The following PARD3B variants were observed in gnomAD, a reference collection of about 807,000 sequenced individuals.
The protein encoded by PARD3B is partitioning defective 3 homolog B.
A neutral mutation model predicts 130.2 loss-of-function variants in PARD3B; 103 were observed. That is an observed-to-expected ratio of 0.79 (90% CI 0.67 to 0.93). PARD3B has a LOEUF of 0.93. PARD3B is among the 40% of genes least tolerant of loss of function. The pLI is 0.00. For missense variants in PARD3B, 1,609 were observed against 1,499.2 expected (o/e 1.07, Z -1.21); for synonymous variants, 583 against 553.2 (o/e 1.05, Z -0.76).
intron 3 of PARD3B, among the ~76,000 whole-genome samples, chr2:204,996,761 A>G: frequency 6.7e-6 from 1 of 148,944 alleles, no homozygotes; most frequent in Non-Finnish European, 1.5e-5. Context: ...CCTCCGAGCC[A>G]GGTGTGGGAT....
intron 1 of PARD3B, among the ~76,000 whole-genome samples, chr2:204,666,888 A>G (rs1000325661): frequency 6.6e-6 from 1 of 152,162 alleles, no homozygotes; most frequent in African/African-American, 2.4e-5. Context: ...TACTGGAGAG[A>G]AAACAGAGAT....
intron 2 of PARD3B, among the ~76,000 whole-genome samples, chr2:204,760,793 CT>C (rs1030826969): frequency 2.6e-5 from 4 of 152,096 alleles, no homozygotes; most frequent in Non-Finnish European, 4.4e-5. Flanking sequence ...TAAAATGTCT[CT>C]CCTTTTCAAA....
intron 4 of PARD3B, among the ~76,000 whole-genome samples, chr2:205,087,152 G>A (rs12479129): frequency 1.2e-4 from 18 of 152,004 alleles, no homozygotes; most frequent in Non-Finnish European, 2.4e-4. Flanking sequence ...AAAGACAGGC[G>A]TCTGAACTTA....
At chr2:205,159,441 G>A (rs1005328588) in intron 11 of PARD3B, among the ~76,000 whole-genome samples, 1 of 152,152 alleles carries the variant, frequency 6.6e-6, no homozygotes, top group Non-Finnish European at 1.5e-5. Context: ...TCCAGAAAAA[G>A]AAGGAAGATC....
intron 2 of PARD3B, among the ~76,000 whole-genome samples, chr2:204,913,765 C>A (rs2047337953): frequency 6.6e-6 from 1 of 152,180 alleles, no homozygotes; most frequent in Admixed American, 6.5e-5. Flanking sequence ...TAAGAATTAA[C>A]TAAAAATATA....
At chr2:204,655,382 G>A (rs1363393276) in intron 1 of PARD3B, among the ~76,000 whole-genome samples, 2 of 151,968 alleles carry the variant, frequency 1.3e-5, no homozygotes, top group Non-Finnish European at 2.9e-5. Context: ...GCTTCTCTCT[G>A]ATTTACTCTG....
Position 204,643,115 on chromosome 2 carries a change from C to CAAAAAAAAAAAAAAAAAAAAAAAAAA in PARD3B, c.121-43045_121-43044insAAAAAAAAAAAAAAAAAAAAAAAAAA, listed in dbSNP as rs71029202. 1.6e-4 allele frequency among the ~76,000 whole-genome samples: 5 copies of CAAAAAAAAAAAAAAAAAAAAAAAAAA among 31,810 alleles called. 1 individual carries two copies. The highest frequency in any genetic ancestry group is 2.3e-4 in the Non-Finnish European group (4 of 17,072). 20.9% of individuals were successfully genotyped at this position (31,810 alleles called of 152,430 possible). On this transcript the variant is annotated intron_variant, in intron 1 of 22. Transcript: ENST00000406610. The stretch of plus-strand genomic sequence containing the variant: ...GGCGACAGAGGGAGACTCTGTCTCA[C>CAAAAAAAAAAAAAAAAAAAAAAAAAA]AAAAAAAAAAAAAAAAAAAAATGTT...
intron 4 of PARD3B, 103 bp from the exon 5 acceptor site, chr2:205,104,323 T>A: frequency 1.3e-6 from 1 of 771,158 alleles, no homozygotes; most frequent in Non-Finnish European, 2.2e-6. Context: ...ATACTGTATA[T>A]ATCCAGCGTA....
chr2:205,522,623 G>A (rs1202776176), intron 21 of PARD3B, among the ~76,000 whole-genome samples: 1 of 152,088 alleles, frequency 6.6e-6, no homozygotes, highest in Non-Finnish European at 1.5e-5. Context: ...CTGGAGGATA[G>A]CAAAGAGCAC....
At chr2:204,999,541 C>T (rs1172886225) in intron 3 of PARD3B, among the ~76,000 whole-genome samples, 1 of 152,124 alleles carries the variant, frequency 6.6e-6, no homozygotes, top group Non-Finnish European at 1.5e-5. Context: ...CCAAGCGCAC[C>T]CAATCTTTTC....
At chr2:205,374,979 A>G (rs1427715688) in intron 18 of PARD3B, among the ~76,000 whole-genome samples, 1 of 152,216 alleles carries the variant, frequency 6.6e-6, no homozygotes, top group East Asian at 1.9e-4. Context: ...GATACATTTA[A>G]TGATATGTAA....
chr2:205,323,757 C>G (rs1574700250), intron 18 of PARD3B, among the ~76,000 whole-genome samples: 1 of 152,152 alleles, frequency 6.6e-6, no homozygotes, highest in African/African-American at 2.4e-5. Context: ...ATCTCAACAC[C>G]TTTCATGTCT....
intron 15 of PARD3B, among the ~76,000 whole-genome samples, chr2:205,234,326 C>A (rs549116393): frequency 6.6e-6 from 1 of 152,086 alleles, no homozygotes. Context: ...TTTAGAGACA[C>A]AAGTAACTTA....
At chr2:204,992,528 T>G (rs1468613895) in intron 3 of PARD3B, among the ~76,000 whole-genome samples, 1 of 148,142 alleles carries the variant, frequency 6.8e-6, no homozygotes, top group Admixed American at 6.8e-5. Flanking sequence ...TCCAGCTTTG[T>G]TCTTTTGGCT....
At chr2:204,626,497 A>T (rs1000174222) in intron 1 of PARD3B, among the ~76,000 whole-genome samples, 6 of 152,158 alleles carry the variant, frequency 3.9e-5, no homozygotes. Flanking sequence ...GGAAGTAGAC[A>T]TAATTATACA....
intron 7 of PARD3B, among the ~76,000 whole-genome samples, chr2:205,120,304 T>C (rs1028345181): frequency 6.6e-6 from 1 of 152,102 alleles, no homozygotes; most frequent in African/African-American, 2.4e-5. Context: ...AGTATAGAGT[T>C]AGTATGGAGT....
At chr2:204,905,631 A>G (rs2047016531) in intron 2 of PARD3B, among the ~76,000 whole-genome samples, 1 of 152,172 alleles carries the variant, frequency 6.6e-6, no homozygotes, top group East Asian at 1.9e-4. Flanking sequence ...AATGACCTTC[A>G]AAAGAGACTC....
intron 1 of PARD3B, among the ~76,000 whole-genome samples, chr2:204,654,267 C>T (rs2035575479): frequency 6.6e-6 from 1 of 151,032 alleles, no homozygotes; most frequent in East Asian, 1.9e-4. Flanking sequence ...AGGGGGGAAA[C>T]GAAGAAAGGA....
intron 12 of PARD3B, among the ~76,000 whole-genome samples, chr2:205,175,039 G>C (rs985080532): frequency 2.0e-5 from 3 of 152,086 alleles, no homozygotes; most frequent in Non-Finnish European, 4.4e-5. Context: ...CGTGGCAAAA[G>C]CAGAATATGT....
Sources: allele counts gnomAD v4.1 joint callset (sites outside exome capture counted in the v4.1 genomes callset), GRCh38; gene constraint gnomAD v4.1.1; transcripts MANE v1.5; gene names NCBI Gene and HGNC (gene_info 2026-07-23, HGNC 2026-07-21).